TMEM160: variants seen among roughly 807,000 people sequenced by gnomAD.
The protein encoded by TMEM160 is transmembrane protein 160.
In TMEM160, 10 loss-of-function variants were observed where a neutral mutation model predicts 13.9. That is an observed-to-expected ratio of 0.72 (90% CI 0.45 to 1.22). TMEM160 has a LOEUF of 1.22. Ranked by LOEUF, TMEM160 falls within the 50% of genes most tolerant of loss-of-function variation. The pLI is 0.00. For synonymous variants in TMEM160, 159 were observed against 134.8 expected (o/e 1.18, Z -1.25); for missense variants, 287 against 283.2 (o/e 1.01, Z -0.10).
intron 1 of TMEM160, 149 bp downstream of exon 1, chr19:47,048,258 G>T: frequency 1.4e-6 from 1 of 710,066 alleles, no homozygotes; most frequent in Non-Finnish European, 2.1e-6. Context: ...CTGCGCTCTT[G>T]CAGTCTGCGC....
chr19:47,046,714 ACAT>A (rs1385214144), intron 1 of TMEM160, 29 bp from the exon 2 acceptor site: 10 of 1,486,208 alleles, frequency 6.7e-6, no homozygotes, highest in African/African-American at 1.4e-5. Flanking sequence ...GGGGGGATTA[ACAT>A]CACCCCCAAC....
chr19:47,046,255 G>A lies in TMEM160; in HGVS notation c.302-3C>T. On this transcript the variant is annotated splice_region_variant and splice_polypyrimidine_tract_variant and intron_variant, in intron 2 of 2. Transcript: ENST00000253047. ...CAGGCCGCCCAGCAGGAAGAAGCCTGCGGGAGAGGCAGGGTAGCAACAGGG... is the reference window on the plus strand; with the variant it reads ...CAGGCCGCCCAGCAGGAAGAAGCCTACGGGAGAGGCAGGGTAGCAACAGGG... 6.5e-7 allele frequency: 1 copy of A among 1,534,802 alleles called. No individual in the cohort carries two copies. The highest frequency in any genetic ancestry group is 8.7e-7 in the Non-Finnish European group (1 of 1,145,956).
intron 1 of TMEM160, 77 bp downstream of exon 1, chr19:47,048,330 G>A: frequency 1.6e-6 from 2 of 1,250,178 alleles, no homozygotes; most frequent in South Asian, 1.5e-5. Context: ...TCCTGCAGAA[G>A]CCCCCGCCCC....
At chr19:47,047,949 C>T in intron 1 of TMEM160, 1 of 985,032 alleles carries the variant, frequency 1.0e-6, no homozygotes, top group Non-Finnish European at 1.2e-6. Flanking sequence ...TCACCTCCCC[C>T]TCCAATCAGC....
chr19:47,046,574 A>AG lies in TMEM160; in HGVS notation c.301+18dup, dbSNP rs751013454. 1.0e-4 allele frequency: 161 copies of AG among 1,587,338 alleles called. No homozygotes were observed. Among genetic ancestry groups the AG allele is most frequent in the South Asian group, 1.9e-4 (17 of 90,570 alleles). On this transcript the variant is annotated intron_variant, in intron 2 of 2. Transcript: ENST00000253047. ...GCATTCCCTGGTTCCGTGGGGCGAG[A>AG]GGGGGGGTCTGCACTCACCATATGC...
chr19:47,048,020 G>A (rs1199826932), intron 1 of TMEM160, among the ~76,000 whole-genome samples: 1 of 151,612 alleles, frequency 6.6e-6, no homozygotes, highest in Non-Finnish European at 1.5e-5. Flanking sequence ...CCTCTTCTGC[G>A]GGGATCCACA....
In TMEM160 at chr19:47,046,573, G is replaced by C. The variant is rs759004653; in HGVS notation, c.301+20C>G. 1.2e-6 allele frequency: 2 copies of C among 1,600,766 alleles called. No homozygotes were observed. Among genetic ancestry groups the C allele is most frequent in the Non-Finnish European group, 8.6e-7 (1 of 1,169,118 alleles). On this transcript the variant is annotated intron_variant, in intron 2 of 2. Transcript: ENST00000253047. Reference sequence around the variant, plus strand: ...TGCATTCCCTGGTTCCGTGGGGCGAGAGGGGGGGTCTGCACTCACCATATG... The same window carrying C: ...TGCATTCCCTGGTTCCGTGGGGCGACAGGGGGGGTCTGCACTCACCATATG...
At position 47,048,618 on chromosome 19, in the gene TMEM160, T is replaced by A; in HGVS notation, c.-4A>T. 6.5e-7 allele frequency: 1 copy of A among 1,534,178 alleles called. No individual in the cohort carries two copies. Among genetic ancestry groups the A allele is most frequent in the Non-Finnish European group, 8.7e-7 (1 of 1,149,860 alleles). ...CCCACCACCAGCCGCCTCCCATGAT[T>A]CGCACTACGGCCGCCGCGCGCCGTA... On this transcript the variant is annotated 5_prime_UTR_variant, in exon 1 of 3. Coordinates refer to ENST00000253047, the MANE Select transcript of TMEM160 (RefSeq NM_017854.2).
At position 47,046,101 on chromosome 19, in the gene TMEM160, G is replaced by A; in HGVS notation, c.453C>T (p.Cys151=). 2.0e-6 allele frequency: 3 copies of A among 1,531,580 alleles called. No individual in the cohort carries two copies. The highest frequency in any genetic ancestry group is 1.2e-5 in the South Asian group (1 of 83,746). 94.9% of individuals were successfully genotyped at this position (1,531,580 alleles called of 1,614,324 possible). The change falls in exon 3 of 3, where the codon TGC becomes TGT. Residue 151 remains cysteine (C), a synonymous_variant. Transcript: ENST00000253047. The part of the protein sequence containing the change: ...AVLAASLLWA[C]AVGLYMGQLE... ...GCTGCCCCATGTAGAGGCCCACGGC[G>A]CACGCCCAGAGCAGGCTGGCGGCCA...
chr19:47,046,564 G>C, intron 2 of TMEM160, 29 bp downstream of exon 2: 1 of 1,579,812 alleles, frequency 6.3e-7, no homozygotes, highest in African/African-American at 1.3e-5. Flanking sequence ...CCCTGGTTCC[G>C]TGGGGCGAGA....
chr19:47,046,334 G>C (rs2057079713), intron 2 of TMEM160, 82 bp from the exon 3 acceptor site: 3 of 1,458,620 alleles, frequency 2.1e-6, no homozygotes, highest in Non-Finnish European at 2.7e-6. Flanking sequence ...GACAGGAACA[G>C]AGGCAGGGCC....
intron 2 of TMEM160, 130 bp downstream of exon 2, chr19:47,046,463 G>T (rs952109772): frequency 4.0e-5 from 38 of 944,928 alleles, no homozygotes; most frequent in Non-Finnish European, 5.7e-5. Context: ...CTTCTGGTGG[G>T]GGAAGAATGG....
Position 47,046,144 on chromosome 19 carries a change from A to C in TMEM160, c.410T>G (p.Val137Gly), listed in dbSNP as rs1316711712. 11 of 1,470,860 alleles carry C rather than the reference A, an allele frequency of 7.5e-6. No individual in the cohort carries two copies. Among genetic ancestry groups the C allele is most frequent in the African/African-American group, 1.5e-5 (1 of 67,466 alleles). 91.1% of individuals were successfully genotyped at this position (1,470,860 alleles called of 1,614,324 possible). The change falls in exon 3 of 3, where the codon GTG becomes GGG. Residue 137 changes from valine to glycine, a missense_variant. Coordinates refer to ENST00000253047, the MANE Select transcript of TMEM160 (RefSeq NM_017854.2). ...PMQLTLGGAA[V>G]GAGAVLAASL... Reference sequence around the variant, plus strand: ...GGCGGCCAGCACGGCGCCCGCGCCCACGGCCGCGCCCCCCAGCGTCAGCTG... The same window carrying C: ...GGCGGCCAGCACGGCGCCCGCGCCCCCGGCCGCGCCCCCCAGCGTCAGCTG...
In TMEM160 at chr19:47,048,584, C is replaced by T. The variant is rs1391706909; in HGVS notation, c.31G>A (p.Ala11Thr). Residue 11 changes from alanine to threonine, a missense_variant, in exon 1 of 3, where the codon GCT becomes ACT. Coordinates refer to ENST00000253047, the MANE Select transcript of TMEM160 (RefSeq NM_017854.2). Reference protein sequence around the residue: MGGGWWWARAARLARLRFRRS... With the variant: MGGGWWWARATRLARLRFRRS... ...CGGAAGCGAAGACGGGCAAGGCGAGCGGCCCGAGCCCACCACCAGCCGCCT... is the reference window on the plus strand; with the variant it reads ...CGGAAGCGAAGACGGGCAAGGCGAGTGGCCCGAGCCCACCACCAGCCGCCT... 10 of 1,523,814 alleles carry T rather than the reference C, an allele frequency of 6.6e-6. No individual in the cohort carries two copies. Among genetic ancestry groups the T allele is most frequent in the Non-Finnish European group, 8.7e-7 (1 of 1,145,216 alleles). The allele number at this position is 1,523,814 out of a possible 1,614,324, so 94.4% of individuals were successfully genotyped here. A position where few individuals can be genotyped will look rare whatever the true frequency, so the allele number is the denominator to read the frequency against.
rs749969131 is a variant in TMEM160, at chr19:47,046,638, CCCCGATG to C, written c.249_255del (p.Ile84SerfsTer45). On this transcript the variant is annotated frameshift_variant, in exon 2 of 3. Coordinates refer to ENST00000253047, the MANE Select transcript of TMEM160 (RefSeq NM_017854.2). LOFTEE classifies it high-confidence loss of function. ...ATGTCACTCTGCATGAAGGAGATGACCCCGATGCCCGATGCCAGGAGGCCATTGCGGA... is the reference window on the plus strand; with the variant it reads ...ATGTCACTCTGCATGAAGGAGATGACCCCGATGCCAGGAGGCCATTGCGGA... 394 of 1,613,434 alleles carry C rather than the reference CCCCGATG, an allele frequency of 2.4e-4. No homozygotes were observed. The highest frequency in any genetic ancestry group is 3.0e-4 in the Non-Finnish European group (357 of 1,179,930).
At chr19:47,047,149 G>T (rs1034375683) in intron 1 of TMEM160, among the ~76,000 whole-genome samples, 2 of 152,224 alleles carry the variant, frequency 1.3e-5, no homozygotes, top group Non-Finnish European at 2.9e-5. Context: ...GGTAGAGGTT[G>T]CAGCGAGCCA....
At chr19:47,046,731 ACCT>A (rs1599930938) in intron 1 of TMEM160, 46 bp from the exon 2 acceptor site, 2 of 1,382,034 alleles carry the variant, frequency 1.4e-6, no homozygotes, top group East Asian at 4.6e-5. Flanking sequence ...CCCCAACCCT[ACCT>A]CCTCAATCCC....
chr19:47,047,449 C>T (rs887226111), intron 1 of TMEM160: 22 of 984,780 alleles, frequency 2.2e-5, no homozygotes, highest in Non-Finnish European at 2.4e-5. Context: ...CCGAGTATGG[C>T]CTGGGCCAAT....
intron 1 of TMEM160, 100 bp from the exon 2 acceptor site, chr19:47,046,785 C>A (rs2057082894): frequency 4.6e-6 from 4 of 861,816 alleles, no homozygotes; most frequent in Non-Finnish European, 7.6e-6. Context: ...TCAGCTCACC[C>A]CATCCCATCC....
Sources: gnomAD v4.1 joint callset for allele counts (sites outside exome capture counted in the v4.1 genomes callset) on GRCh38, gnomAD v4.1.1 for gene constraint, MANE v1.5 for transcripts, NCBI Gene and HGNC (gene_info 2026-07-23, HGNC 2026-07-21) for gene names.